The following TIGAR variants were observed in gnomAD, a reference collection of about 807,000 sequenced individuals.
The protein encoded by TIGAR is TP53 induced glycolysis regulatory phosphatase, also known as fructose-2,6-bisphosphatase TIGAR.
Under a neutral mutation model 17.9 loss-of-function variants are expected in TIGAR, and 7 were observed. The observed-to-expected ratio is 0.39, with a 90% confidence interval of 0.22 to 0.73. The LOEUF is 0.73. Ranked by LOEUF, TIGAR falls within the 30% of genes least tolerant of loss-of-function variation. TIGAR has a pLI of 0.42. For synonymous variants in TIGAR, 94 were observed against 108.6 expected, an observed-to-expected ratio of 0.87 and a Z score of 0.84; for missense variants, 258 against 327.4, an observed-to-expected ratio of 0.79 and a Z score of 1.64.
At position 4,323,225 on chromosome 12, in the gene TIGAR, T is replaced by C. The variant is rs1864501428; in HGVS notation, c.32+1922T>C. Among the ~76,000 whole-genome samples the C allele has an allele frequency of 2.6e-5, 4 of 151,876 alleles. No homozygotes were observed. In the South Asian group the frequency reaches 8.3e-4, roughly 32 times the overall value. ...GGGAAGTGAGGGCTGTAGTGAGCTG[T>C]GATTGGGCCACTGCACCCCAGCCTA... On this transcript the variant is annotated intron_variant, in intron 1 of 5. Transcript: ENST00000179259.
At chr12:4,322,025 T>G (rs1294482462) in intron 1 of TIGAR, among the ~76,000 whole-genome samples, 3 of 151,740 alleles carry the variant, frequency 2.0e-5, no homozygotes, top group Non-Finnish European at 4.4e-5. Context: ...AGATGGAGCC[T>G]CGCTCTGTCA....
intron 1 of TIGAR, among the ~76,000 whole-genome samples, chr12:4,322,051 A>G (rs1864486593): frequency 6.6e-6 from 1 of 151,698 alleles, no homozygotes; most frequent in South Asian, 2.1e-4. Context: ...GCTGGAGTGC[A>G]GTGGCGCTAT....
Position 4,354,453 on chromosome 12 carries a change from T to G in TIGAR, c.*1762T>G, listed in dbSNP as rs575755946. 1 of 152,186 alleles carries G rather than the reference T, an allele frequency of 6.6e-6. No individual in the cohort carries two copies. Among genetic ancestry groups the G allele is most frequent in the African/African-American group, 2.4e-5 (1 of 41,510 alleles). 9.4% of individuals were successfully genotyped at this position (152,186 alleles called of 1,614,324 possible). On this transcript the variant is annotated 3_prime_UTR_variant, in exon 6 of 6. Transcript: ENST00000179259. ...TTCCCTCCAGAGGCAGCCACTGCAG[T>G]GAGTCTGTGTATATGTTCACCTGTT... is the stretch of plus-strand genomic sequence containing the variant.
chr12:4,328,033 A>T (rs1244797865), intron 1 of TIGAR, among the ~76,000 whole-genome samples: 1 of 152,184 alleles, frequency 6.6e-6, no homozygotes, highest in East Asian at 1.9e-4. Flanking sequence ...TGAGGCTGAG[A>T]CAGGAAGTGA....
At chr12:4,349,163 TATACAGTCTCTGTTA>T in intron 3 of TIGAR, among the ~76,000 whole-genome samples, 1 of 152,314 alleles carries the variant, frequency 6.6e-6, no homozygotes, top group Middle Eastern at 3.4e-3. Flanking sequence ...GTTTATAGTC[TATACAGTCTCTGTTA>T]ACACCTGTTC....
chr12:4,331,080 A>C (rs955310840), intron 1 of TIGAR, among the ~76,000 whole-genome samples, 200 bp from the exon 2 acceptor site: 1 of 152,248 alleles, frequency 6.6e-6, no homozygotes, highest in Admixed American at 6.5e-5. Flanking sequence ...GAGTAGTTTG[A>C]AATTCTTAGC....
At position 4,358,623 on chromosome 12, in the gene TIGAR, G is replaced by A. The variant is rs1482972145; in HGVS notation, c.*5932G>A. 2.7e-5 allele frequency among the ~76,000 whole-genome samples: 4 copies of A among 148,264 alleles called. No individual in the cohort carries two copies. The highest frequency in any genetic ancestry group is 7.7e-5 in the African/African-American group (3 of 38,854). Reference sequence around the variant, plus strand: ...CAACAATGTTCTTATATATAACCCAGAATAAATATCTGAGTCAGGAAATTT... The same window carrying A: ...CAACAATGTTCTTATATATAACCCAAAATAAATATCTGAGTCAGGAAATTT... On this transcript the variant is annotated 3_prime_UTR_variant, in exon 6 of 6. Transcript: ENST00000179259.
At position 4,340,985 on chromosome 12, in the gene TIGAR, A is replaced by T. The variant is rs541421753; in HGVS notation, c.192+3825A>T. ...CTCCAGAACATTGTTCTGGCCAGAGATTTCTTGAGCAATAACCTGCAAGCA... is the reference window on the plus strand; with the variant it reads ...CTCCAGAACATTGTTCTGGCCAGAGTTTTCTTGAGCAATAACCTGCAAGCA... On this transcript the variant is annotated intron_variant, in intron 3 of 5. Transcript: ENST00000179259. Among the ~76,000 whole-genome samples the T allele has an allele frequency of 1.8e-3, 280 of 152,306 alleles. 1 individual carries two copies. The highest frequency in any genetic ancestry group is 6.5e-3 in the African/African-American group (272 of 41,568).
intron 3 of TIGAR, among the ~76,000 whole-genome samples, chr12:4,340,423 T>C (rs898636269): frequency 6.6e-6 from 1 of 152,222 alleles, no homozygotes. Context: ...TGGAAAGATA[T>C]TCTATATTCA....
intron 2 of TIGAR, among the ~76,000 whole-genome samples, chr12:4,334,394 C>T (rs1864636668): frequency 6.6e-6 from 1 of 152,206 alleles, no homozygotes; most frequent in South Asian, 2.1e-4. Context: ...AGGATCTAAT[C>T]ACCTCCCAAA....
In TIGAR at chr12:4,321,914, G is replaced by T. The variant is rs536782854; in HGVS notation, c.32+611G>T. Reference sequence around the variant, plus strand: ...TATTATCATAACGTTACACGGAGCTGCATGCTGATAGGTCTTTATGTATTT... The same window carrying T: ...TATTATCATAACGTTACACGGAGCTTCATGCTGATAGGTCTTTATGTATTT... On this transcript the variant is annotated intron_variant, in intron 1 of 5. Transcript: ENST00000179259. The surrounding 1 kb of genome is among the most constrained non-coding windows in gnomAD (Gnocchi z 5.2). 7.9e-5 allele frequency among the ~76,000 whole-genome samples: 12 copies of T among 152,204 alleles called. No homozygotes were observed. The highest frequency in any genetic ancestry group is 1.6e-4 in the Non-Finnish European group (11 of 68,038).
chr12:4,327,744 T>C (rs188269662), intron 1 of TIGAR, among the ~76,000 whole-genome samples: 1 of 152,336 alleles, frequency 6.6e-6, no homozygotes, highest in African/African-American at 2.4e-5. Context: ...CTCGGCTCAC[T>C]GCAGCCTCCG....
At chr12:4,333,148 C>T (rs1864621399) in intron 2 of TIGAR, among the ~76,000 whole-genome samples, 1 of 152,186 alleles carries the variant, frequency 6.6e-6, no homozygotes, top group Non-Finnish European at 1.5e-5. Flanking sequence ...AATATAGCTA[C>T]TTGAGCTGTT....
chr12:4,354,098 G>A lies in TIGAR; in HGVS notation c.*1407G>A, dbSNP rs1244153347. On this transcript the variant is annotated 3_prime_UTR_variant, in exon 6 of 6. Coordinates refer to ENST00000179259, the MANE Select transcript of TIGAR (RefSeq NM_020375.3). ...AAATGCTGTGAGTCTCAACTTTAAA[G>A]AGGGTTAATACTAAAGTTGTCAGTT... 6.6e-6 allele frequency: 1 copy of A among 152,508 alleles called. No individual in the cohort carries two copies. The highest frequency in any genetic ancestry group is 2.4e-5 in the African/African-American group (1 of 41,432). The allele number at this position is 152,508 out of a possible 1,614,324, so 9.4% of individuals were successfully genotyped here.
chr12:4,333,275 G>T (rs758635461), intron 2 of TIGAR, among the ~76,000 whole-genome samples: 20 of 148,984 alleles, frequency 1.3e-4, no homozygotes, highest in Non-Finnish European at 2.1e-4. Context: ...TGGCTCTTTT[G>T]AAAATATATA....
rs749092671 is a variant in TIGAR, at chr12:4,352,222, A to T, written c.382-38A>T. ...TGTTAACGTTTTAAGGAAGTCATTAATGTCACTTTATTTTGACTTTTATTT... is the reference window on the plus strand; with the variant it reads ...TGTTAACGTTTTAAGGAAGTCATTATTGTCACTTTATTTTGACTTTTATTT... On this transcript the variant is annotated intron_variant, in intron 5 of 5. Transcript: ENST00000179259. 5 of 1,558,156 alleles carry T rather than the reference A, an allele frequency of 3.2e-6. No individual in the cohort carries two copies. The Admixed American group carries it at 9.2e-5, about 29-fold the overall frequency.
chr12:4,356,164 GGCA>G lies in TIGAR; in HGVS notation c.*3477_*3479del, dbSNP rs1168161029. On this transcript the variant is annotated 3_prime_UTR_variant, in exon 6 of 6. Coordinates refer to ENST00000179259, the MANE Select transcript of TIGAR (RefSeq NM_020375.3). ...GCACAAGGTTGGAGGCAGGGAAGATGGCAGCACTGGCTGTTGGGCCATTTGAAG... is the reference window on the plus strand; with the variant it reads ...GCACAAGGTTGGAGGCAGGGAAGATGGCACTGGCTGTTGGGCCATTTGAAG... Among the ~76,000 whole-genome samples, 9 of 152,162 alleles carry G rather than the reference GGCA, an allele frequency of 5.9e-5. No homozygotes were observed. The highest frequency in any genetic ancestry group is 1.3e-4 in the Non-Finnish European group (9 of 68,030).
chr12:4,324,699 G>T, intron 1 of TIGAR: 1 of 893,114 alleles, frequency 1.1e-6, no homozygotes, highest in Non-Finnish European at 1.8e-6. Flanking sequence ...GGCACGCACT[G>T]TACAGCTGCG....
intron 3 of TIGAR, among the ~76,000 whole-genome samples, chr12:4,340,265 A>G (rs1475197134): frequency 2.0e-5 from 3 of 152,246 alleles, no homozygotes; most frequent in Admixed American, 6.5e-5. Flanking sequence ...TATGCCAACA[A>G]TGAATAATCT....
Sources: allele counts gnomAD v4.1 joint callset (sites outside exome capture counted in the v4.1 genomes callset), GRCh38; gene constraint gnomAD v4.1.1; non-coding constraint Gnocchi (gnomAD v3.1); transcripts MANE v1.5; gene names NCBI Gene and HGNC (gene_info 2026-07-23, HGNC 2026-07-21).